CNTN5: variants seen among roughly 807,000 people sequenced by gnomAD.
The protein encoded by CNTN5 is contactin-5.
Under a neutral mutation model 129.1 loss-of-function variants are expected in CNTN5, and 77 were observed. The ratio of observed to expected loss-of-function variants is 0.60; its 90% CI spans 0.50 to 0.72. The LOEUF (loss-of-function observed/expected upper bound fraction) is 0.72, where lower values mean the gene tolerates loss of function less well. Among genes scored for constraint, CNTN5 ranks in the 30% least tolerant of loss-of-function variants. The pLI is 0.00. For missense variants in CNTN5, 1,478 were observed against 1,328.8 expected, an observed-to-expected ratio of 1.11 and a Z score of -1.75; for synonymous variants, 509 against 465.6, an observed-to-expected ratio of 1.09 and a Z score of -1.20.
chr11:99,668,403 T>G (rs1213411234), intron 3 of CNTN5, among the ~76,000 whole-genome samples: 2 of 152,104 alleles, frequency 1.3e-5, no homozygotes, highest in Non-Finnish European at 2.9e-5. Context: ...TCTCGTATCC[T>G]TCTTGTCTAT....
intron 2 of CNTN5, among the ~76,000 whole-genome samples, chr11:99,384,432 G>A (rs540815985): frequency 1.3e-5 from 2 of 152,280 alleles, no homozygotes; most frequent in East Asian, 3.9e-4. Context: ...ATTGATATTT[G>A]ATTGCCAAAA....
rs191758799 is a variant in CNTN5 at position 99,671,076 on chromosome 11, C to A, written c.55+114807C>A. ...GCTTGCGCTTGCACGTGCTCTCTCTCGCTTTCTTGTGAGTTCTCTCGCTCG... is the reference window on the plus strand; with the variant it reads ...GCTTGCGCTTGCACGTGCTCTCTCTAGCTTTCTTGTGAGTTCTCTCGCTCG... On this transcript the variant is annotated intron_variant, in intron 3 of 24. Transcript: ENST00000524871. 4.6e-5 allele frequency among the ~76,000 whole-genome samples: 7 copies of A among 151,838 alleles called. No individual in the cohort carries two copies. The East Asian group carries it at 9.8e-4, about 21-fold the overall frequency.
chr11:100,039,132 C>G (rs558133985), intron 9 of CNTN5, among the ~76,000 whole-genome samples: 19 of 152,144 alleles, frequency 1.2e-4, no homozygotes, highest in African/African-American at 4.6e-4. Flanking sequence ...ATGTTTAGTG[C>G]TTCCTTCAGT....
chr11:100,275,996 A>T (rs1310071154), intron 18 of CNTN5, among the ~76,000 whole-genome samples: 1 of 152,206 alleles, frequency 6.6e-6, no homozygotes. Context: ...ATTTTAAAAG[A>T]TAATGCTGCT....
At position 99,189,100 on chromosome 11, in the gene CNTN5, G is replaced by A. The variant is rs908994799; in HGVS notation, c.-209-136246G>A. On this transcript the variant is annotated intron_variant, in intron 1 of 24. Coordinates refer to ENST00000524871, the MANE Select transcript of CNTN5 (RefSeq NM_014361.4). ...AATCAAGTGGTATTCATCTTTCTGT[G>A]CTTAGCTTATTTAACTTAAAACAAT... Among the ~76,000 whole-genome samples the A allele has an allele frequency of 2.0e-5, 3 of 151,564 alleles. No individual in the cohort carries two copies. The Admixed American group carries it at 2.0e-4, about 10-fold the overall frequency.
At chr11:99,654,904 T>A (rs545421092) in intron 3 of CNTN5, among the ~76,000 whole-genome samples, 213 of 152,006 alleles carry the variant, frequency 1.4e-3, no homozygotes, top group Non-Finnish European at 1.5e-3. Flanking sequence ...GAAAAAAAGG[T>A]TTAATCTTAG....
chr11:99,070,101 A>G (rs1268974079), intron 1 of CNTN5, among the ~76,000 whole-genome samples: 1 of 152,124 alleles, frequency 6.6e-6, no homozygotes, highest in East Asian at 1.9e-4. Context: ...TGGTATGAAA[A>G]TGGTTCCGTC....
chr11:99,736,300 C>A (rs972228344), intron 3 of CNTN5, among the ~76,000 whole-genome samples: 2 of 152,102 alleles, frequency 1.3e-5, no homozygotes, highest in African/African-American at 4.8e-5. Context: ...TGTGGATTGG[C>A]TAATTTGAAT....
chr11:100,250,810 T>C (rs1333322241), intron 16 of CNTN5, among the ~76,000 whole-genome samples: 2 of 152,192 alleles, frequency 1.3e-5, no homozygotes, highest in Non-Finnish European at 2.9e-5. Flanking sequence ...TTCTTTAAGA[T>C]GGCTAATTTA....
intron 3 of CNTN5, among the ~76,000 whole-genome samples, chr11:99,799,127 C>T (rs1946037175): frequency 1.3e-5 from 2 of 151,758 alleles, no homozygotes; most frequent in South Asian, 4.1e-4. Context: ...CCTGAATCTT[C>T]ACTAAGGTCA....
intron 15 of CNTN5, among the ~76,000 whole-genome samples, chr11:100,213,182 C>T (rs1169919356): frequency 6.6e-6 from 1 of 152,062 alleles, no homozygotes; most frequent in Non-Finnish European, 1.5e-5. Context: ...CCAAATTTCA[C>T]ATACAATGAA....
intron 18 of CNTN5, among the ~76,000 whole-genome samples, chr11:100,292,339 A>G (rs1951005838): frequency 6.6e-6 from 1 of 152,004 alleles, no homozygotes; most frequent in Non-Finnish European, 1.5e-5. Flanking sequence ...GCCCCCTAGC[A>G]GGCAGCCTTA....
At position 100,330,807 on chromosome 11, in the gene CNTN5, A is replaced by G. The variant is rs560622362; in HGVS notation, c.2731-9656A>G. On this transcript the variant is annotated intron_variant, in intron 21 of 24. Coordinates refer to ENST00000524871, the MANE Select transcript of CNTN5 (RefSeq NM_014361.4). ...AATTCACCACTACCAAGCCAGCGCT[A>G]CAAGAACTGCTAAAAGGAGCTCTAA... is the stretch of plus-strand genomic sequence containing the variant. 4.6e-5 allele frequency among the ~76,000 whole-genome samples: 7 copies of G among 152,326 alleles called. No individual in the cohort carries two copies. In the East Asian group the frequency reaches 1.2e-3, roughly 25 times the overall value.
chr11:99,727,437 G>A, intron 3 of CNTN5, among the ~76,000 whole-genome samples: 1 of 150,430 alleles, frequency 6.6e-6, no homozygotes. Flanking sequence ...TTTCTGATAT[G>A]ACAAGATAGA....
At chr11:100,163,230 A>C (rs1169670136) in intron 13 of CNTN5, among the ~76,000 whole-genome samples, 1 of 151,834 alleles carries the variant, frequency 6.6e-6, no homozygotes, top group Non-Finnish European at 1.5e-5. Flanking sequence ...AATAGCTAAT[A>C]AAAATAAGGA....
chr11:99,189,625 T>C (rs932980590), intron 1 of CNTN5, among the ~76,000 whole-genome samples: 1 of 151,744 alleles, frequency 6.6e-6, no homozygotes, highest in African/African-American at 2.4e-5. Context: ...ATTTCACTGA[T>C]GATTAGTTAC....
At chr11:100,198,596 A>T (rs780636498) in intron 15 of CNTN5, among the ~76,000 whole-genome samples, 18 of 151,892 alleles carry the variant, frequency 1.2e-4, no homozygotes, top group Non-Finnish European at 2.4e-4. Flanking sequence ...GTTGTGCTGG[A>T]TCTTAGAGAT....
At chr11:99,360,026 A>G (rs1032299573) in intron 2 of CNTN5, among the ~76,000 whole-genome samples, 1 of 152,192 alleles carries the variant, frequency 6.6e-6, no homozygotes, top group Non-Finnish European at 1.5e-5. Context: ...ATAAATACAT[A>G]TACCCACTAC....
chr11:99,180,916 G>T (rs1383157875), intron 1 of CNTN5, among the ~76,000 whole-genome samples: 5 of 152,152 alleles, frequency 3.3e-5, no homozygotes, highest in Non-Finnish European at 5.9e-5. Context: ...CTTGGGCTGC[G>T]GTACGCATAT....
Sources: gnomAD v4.1 joint callset for allele counts (sites outside exome capture counted in the v4.1 genomes callset) on GRCh38, gnomAD v4.1.1 for gene constraint, MANE v1.5 for transcripts, NCBI Gene and HGNC (gene_info 2026-07-23, HGNC 2026-07-21) for gene names.